Variants in CHCHD6 observed in about 807,000 individuals in gnomAD.
CHCHD6 encodes the protein MICOS complex subunit MIC25.
CHCHD6 carries 28 observed loss-of-function variants against 32.3 expected under a neutral mutation model. The observed-to-expected ratio is 0.87, with a 90% CI of 0.64 to 1.19. The LOEUF (loss-of-function observed/expected upper bound fraction) is 1.19, where lower values mean the gene tolerates loss of function less well. CHCHD6 is among the 50% of genes most tolerant of loss of function. CHCHD6 has a pLI of 0.00. For synonymous variants in CHCHD6, 122 were observed against 117.5 expected (o/e 1.04, Z -0.25); for missense variants, 333 against 307.0 (o/e 1.08, Z -0.63).
At chr3:126,852,853 G>T (rs985735484) in intron 5 of CHCHD6, 123 bp downstream of exon 5, 32 of 666,218 alleles carry the variant, frequency 4.8e-5, no homozygotes, top group Non-Finnish European at 8.5e-5. Context: ...CCAGATGCCA[G>T]TCACTCCTTG....
Position 126,776,805 on chromosome 3 carries a change from G to A in CHCHD6, c.411+43583G>A, listed in dbSNP as rs556368676. On this transcript the variant is annotated intron_variant, in intron 4 of 7. Coordinates refer to ENST00000290913, the MANE Select transcript of CHCHD6 (RefSeq NM_032343.3). Reference sequence around the variant, plus strand: ...CATCATTTTTTTTCTTAGTGGTAATGGAATAATGGTTCATGTTATAATCGA... The same window carrying A: ...CATCATTTTTTTTCTTAGTGGTAATAGAATAATGGTTCATGTTATAATCGA... 7.9e-5 allele frequency among the ~76,000 whole-genome samples: 12 copies of A among 152,040 alleles called. No homozygotes were observed. The South Asian group carries it at 2.5e-3, about 32-fold the overall frequency.
chr3:126,936,381 A>C (rs1014742674), intron 6 of CHCHD6, among the ~76,000 whole-genome samples: 1 of 152,246 alleles, frequency 6.6e-6, no homozygotes, highest in Non-Finnish European at 1.5e-5. Context: ...AGCACTGGCC[A>C]CATATGGCTA....
chr3:126,867,298 A>G (rs564749053), intron 5 of CHCHD6, among the ~76,000 whole-genome samples: 60 of 152,330 alleles, frequency 3.9e-4, no homozygotes, highest in Non-Finnish European at 8.1e-4. Flanking sequence ...TTTTAAGCAC[A>G]AGCTGAATCA....
intron 4 of CHCHD6, among the ~76,000 whole-genome samples, chr3:126,846,846 G>T (rs1472112052): frequency 6.6e-6 from 1 of 152,160 alleles, no homozygotes; most frequent in African/African-American, 2.4e-5. Flanking sequence ...GTGTGTATGT[G>T]TATGTGTATT....
chr3:126,902,895 G>A (rs752944995), intron 5 of CHCHD6, among the ~76,000 whole-genome samples: 101 of 152,206 alleles, frequency 6.6e-4, no homozygotes, highest in Middle Eastern at 3.4e-3. Flanking sequence ...TGGCCATGTT[G>A]GTGCTGCTGG....
intron 4 of CHCHD6, among the ~76,000 whole-genome samples, chr3:126,821,211 A>AT (rs1431858693): frequency 3.3e-5 from 5 of 152,060 alleles, no homozygotes; most frequent in African/African-American, 1.2e-4. Context: ...ACCACATTTT[A>AT]TTTTTTCCAT....
chr3:126,956,600 CGAGAGAGAGAGAGA>C (rs58750065), intron 6 of CHCHD6, among the ~76,000 whole-genome samples: 80 of 149,766 alleles, frequency 5.3e-4, no homozygotes, highest in African/African-American at 1.9e-3. Context: ...AGTGTGCGCA[CGAGAGAGAGAGAGA>C]GAGAGAGAGA....
Position 126,733,233 on chromosome 3 carries a change from A to AT in CHCHD6, c.411+15dup, listed in dbSNP as rs753075422. 18 of 1,611,104 alleles carry AT rather than the reference A, an allele frequency of 1.1e-5. No individual in the cohort carries two copies. Among genetic ancestry groups the AT allele is most frequent in the Non-Finnish European group, 6.8e-6 (8 of 1,178,748 alleles). On this transcript the variant is annotated intron_variant, in intron 4 of 7. Transcript: ENST00000290913. ...AAGTCAGTCCGGCTGGTGAGTGCAG[A>AT]TTTTCCCTGATCTGGCCTTCTGAGC... is the stretch of plus-strand genomic sequence containing the variant.
At chr3:126,727,714 G>A (rs2107657042) in intron 2 of CHCHD6, among the ~76,000 whole-genome samples, 1 of 152,214 alleles carries the variant, frequency 6.6e-6, no homozygotes, top group African/African-American at 2.4e-5. Flanking sequence ...CCTCTTCCTG[G>A]CCCACTGTGA....
At chr3:126,910,273 G>GA (rs547565601) in intron 5 of CHCHD6, among the ~76,000 whole-genome samples, 7,444 of 111,424 alleles carry the variant, frequency 0.067, 367 homozygotes, top group South Asian at 0.26. Context: ...CCTGCCTCAG[G>GA]AAAAAAAAAA....
chr3:126,957,740 C>T (rs545717876), intron 7 of CHCHD6, 189 bp downstream of exon 7: 1 of 709,224 alleles, frequency 1.4e-6, no homozygotes, highest in South Asian at 1.7e-5. Flanking sequence ...CTGGCTGCTT[C>T]CAGGAGCGCC....
At chr3:126,755,668 T>C (rs75228798) in intron 4 of CHCHD6, among the ~76,000 whole-genome samples, 2,069 of 152,242 alleles carry the variant, frequency 0.014, 45 homozygotes, top group African/African-American at 0.044. Flanking sequence ...TCTATTAGTC[T>C]AAAAAAAGAT....
Position 126,727,110 on chromosome 3 carries a change from G to T in CHCHD6, c.120G>T (p.Glu40Asp), listed in dbSNP as rs369728137. ...LSENVVNRMK[E>D]PSSPPPAPTS... ...AAAACGTGGTGAACCGCATGAAGGA[G>T]CCCAGCTCTCCACCCCCTGCTCCCA... The change falls in exon 2 of 8, where the codon GAG becomes GAT. Residue 40 changes from glutamate (E) to aspartate (D), a missense_variant. By Grantham distance (45) the Glu-to-Asp change is conservative. Transcript: ENST00000290913. The T allele has an allele frequency of 3.1e-6, 5 of 1,614,078 alleles. No homozygotes were observed. The South Asian group carries it at 4.4e-5, about 14-fold the overall frequency.
At chr3:126,955,735 G>C (rs1172014402) in intron 6 of CHCHD6, among the ~76,000 whole-genome samples, 1 of 152,214 alleles carries the variant, frequency 6.6e-6, no homozygotes, top group Non-Finnish European at 1.5e-5. Flanking sequence ...GTTAGCGATG[G>C]TGTTAGGCAT....
intron 6 of CHCHD6, chr3:126,953,036 G>C (rs1189294421): frequency 2.0e-6 from 2 of 985,374 alleles, no homozygotes; most frequent in Admixed American, 6.2e-5. Flanking sequence ...GCCACACTGC[G>C]TTACTGAGCA....
chr3:126,748,590 A>C (rs1264719892), intron 4 of CHCHD6, among the ~76,000 whole-genome samples: 2 of 146,644 alleles, frequency 1.4e-5, no homozygotes, highest in Non-Finnish European at 3.0e-5. Flanking sequence ...GTGAGACTAC[A>C]TCTCCAAAAA....
chr3:126,829,113 G>A (rs779890564), intron 4 of CHCHD6, among the ~76,000 whole-genome samples: 2 of 152,142 alleles, frequency 1.3e-5, no homozygotes, highest in Non-Finnish European at 2.9e-5. Flanking sequence ...GAGGTTTAAA[G>A]CTGCCAAATT....
intron 4 of CHCHD6, among the ~76,000 whole-genome samples, chr3:126,768,408 GTTC>G (rs1937464439): frequency 6.6e-6 from 1 of 152,134 alleles, no homozygotes; most frequent in African/African-American, 2.4e-5. Context: ...GGAAGAACTT[GTTC>G]TTCTTGTGTA....
intron 4 of CHCHD6, among the ~76,000 whole-genome samples, chr3:126,754,878 G>T (rs978711158): frequency 2.0e-5 from 3 of 152,210 alleles, no homozygotes; most frequent in Admixed American, 2.0e-4. Flanking sequence ...ACGTCTCCAG[G>T]CTAAGAAGCT....
Sources: gnomAD v4.1 joint callset for allele counts (sites outside exome capture counted in the v4.1 genomes callset) on GRCh38, gnomAD v4.1.1 for gene constraint, MANE v1.5 for transcripts, NCBI Gene and HGNC (gene_info 2026-07-23, HGNC 2026-07-21) for gene names.